The following WWOX variants were observed in gnomAD, a reference collection of about 807,000 sequenced individuals.
The protein encoded by WWOX is WW domain containing oxidoreductase.
A neutral mutation model predicts 46.2 loss-of-function variants in WWOX; 69 were observed. The observed-to-expected ratio is 1.49, with a 90% CI of 1.23 to 1.82. The LOEUF (loss-of-function observed/expected upper bound fraction) is 1.82, where lower values mean the gene tolerates loss of function less well. WWOX is among the 40% of genes most tolerant of loss of function. The pLI is 0.00. For missense variants in WWOX, 919 were observed against 542.6 expected (o/e 1.69, Z -6.89); for synonymous variants, 359 against 202.6 (o/e 1.77, Z -6.56).
At chr16:78,680,035 G>A (rs2047693059) in intron 8 of WWOX, among the ~76,000 whole-genome samples, 1 of 152,190 alleles carries the variant, frequency 6.6e-6, no homozygotes, top group Non-Finnish European at 1.5e-5. Context: ...TTTTACCTCT[G>A]CAAGCCTCAG....
chr16:78,167,562 T>G (rs1001660324), intron 5 of WWOX: 1 of 152,170 alleles, frequency 6.6e-6, no homozygotes, highest in Non-Finnish European at 1.5e-5. Flanking sequence ...ATGTTTAAAA[T>G]TAGATTTGAT....
At chr16:78,431,102 A>G (rs2083206623) in intron 7 of WWOX, among the ~76,000 whole-genome samples, 1 of 152,154 alleles carries the variant, frequency 6.6e-6, no homozygotes, top group African/African-American at 2.4e-5. Context: ...GCTGTGATCC[A>G]TTTTGTAAGG....
chr16:78,235,360 C>G (rs979566491), intron 5 of WWOX, among the ~76,000 whole-genome samples: 1 of 152,084 alleles, frequency 6.6e-6, no homozygotes, highest in African/African-American at 2.4e-5. Context: ...GGGAAACAAG[C>G]CTGCCAGGCC....
intron 8 of WWOX, among the ~76,000 whole-genome samples, chr16:78,626,567 T>G (rs1351827926): frequency 6.6e-6 from 1 of 152,214 alleles, no homozygotes; most frequent in Admixed American, 6.5e-5. Context: ...TCTTCACTGT[T>G]GATGGTGACT....
chr16:79,019,157 C>CA (rs903333994), intron 8 of WWOX, among the ~76,000 whole-genome samples: 6,539 of 24,798 alleles, frequency 0.26, 897 homozygotes, highest in Middle Eastern at 0.33. Flanking sequence ...GACCTTGTCT[C>CA]AAAAAAAAAA....
chr16:78,801,021 T>G (rs2050871810), intron 8 of WWOX, among the ~76,000 whole-genome samples: 1 of 152,050 alleles, frequency 6.6e-6, no homozygotes, highest in Admixed American at 6.6e-5. Context: ...ATGCTCCACT[T>G]TTCTGGGCAG....
intron 8 of WWOX, among the ~76,000 whole-genome samples, chr16:78,691,508 A>C (rs540497504): frequency 1.3e-5 from 2 of 152,164 alleles, no homozygotes; most frequent in Admixed American, 6.6e-5. Flanking sequence ...GGAGTTCGAG[A>C]CCAGTCTGGG....
rs373507639 is a variant in WWOX at position 79,022,915 on chromosome 16, A to C, written c.1057-188693A>C. ...ACTTCTCTCCCCTGAGCATCAGTTT[A>C]CTCAGCTGAAAAATGCATCTGCTAA... On this transcript the variant is annotated intron_variant, in intron 8 of 8. Transcript: ENST00000566780. Among the ~76,000 whole-genome samples the C allele has an allele frequency of 6.4e-4, 98 of 152,268 alleles. No homozygotes were observed. In the Middle Eastern group the frequency reaches 0.01, roughly 16 times the overall value.
At chr16:78,563,491 ACAC>A (rs1200140146) in intron 8 of WWOX, among the ~76,000 whole-genome samples, 2 of 35,450 alleles carry the variant, frequency 5.6e-5, no homozygotes, top group Non-Finnish European at 1.1e-4. Context: ...GTGTGGGTGA[ACAC>A]ACACACACAC....
chr16:78,371,977 A>G (rs2081700784), intron 5 of WWOX, among the ~76,000 whole-genome samples: 1 of 152,202 alleles, frequency 6.6e-6, no homozygotes. Context: ...GGCTGGAAAT[A>G]GACATGTGAG....
At chr16:78,490,634 C>T (rs1453411487) in intron 8 of WWOX, among the ~76,000 whole-genome samples, 1 of 152,184 alleles carries the variant, frequency 6.6e-6, no homozygotes, top group Non-Finnish European at 1.5e-5. Flanking sequence ...CCTCTGATTG[C>T]TCAGATGTCC....
At chr16:78,931,377 T>A (rs147272954) in intron 8 of WWOX, among the ~76,000 whole-genome samples, 45 of 152,198 alleles carry the variant, frequency 3.0e-4, no homozygotes, top group African/African-American at 1.1e-3. Flanking sequence ...GCTAAGGAAA[T>A]GAACAGGACG....
intron 8 of WWOX, among the ~76,000 whole-genome samples, chr16:78,670,468 C>T (rs891947216): frequency 1.3e-5 from 2 of 151,986 alleles, no homozygotes; most frequent in African/African-American, 4.8e-5. Flanking sequence ...AGAAACTTAC[C>T]AGTGGTGTGT....
chr16:78,197,084 C>A (rs992145219), intron 5 of WWOX, among the ~76,000 whole-genome samples: 2 of 152,176 alleles, frequency 1.3e-5, no homozygotes, highest in African/African-American at 2.4e-5. Flanking sequence ...GCACCAGACT[C>A]GTATCAGCCA....
intron 8 of WWOX, among the ~76,000 whole-genome samples, chr16:78,574,794 G>C (rs1231361592): frequency 6.7e-6 from 1 of 150,346 alleles, no homozygotes; most frequent in Admixed American, 6.7e-5. Flanking sequence ...TGGTTGCTGG[G>C]GCTAGGGGGT....
chr16:78,513,854 C>T (rs1348767588), intron 8 of WWOX, among the ~76,000 whole-genome samples: 4 of 151,518 alleles, frequency 2.6e-5, no homozygotes, highest in Non-Finnish European at 4.4e-5. Flanking sequence ...AACACTTGGT[C>T]GAAAAACAGT....
At chr16:79,077,966 G>T (rs12924981) in intron 8 of WWOX, 1 of 151,760 alleles carries the variant, frequency 6.6e-6, no homozygotes, top group Non-Finnish European at 1.5e-5. Flanking sequence ...AGGAAACTCT[G>T]TTCCTACCTG....
At chr16:78,461,396 G>GA (rs1232580207) in intron 8 of WWOX, among the ~76,000 whole-genome samples, 3 of 152,048 alleles carry the variant, frequency 2.0e-5, no homozygotes, top group Non-Finnish European at 4.4e-5. Context: ...CAAAAAATAG[G>GA]AAAAAAAGAA....
intron 8 of WWOX, among the ~76,000 whole-genome samples, chr16:78,527,110 C>T (rs938822126): frequency 6.6e-6 from 1 of 151,936 alleles, no homozygotes; most frequent in African/African-American, 2.4e-5. Context: ...TTGTGGTGAG[C>T]CGAGATCATG....
Sources: allele counts gnomAD v4.1 joint callset (sites outside exome capture counted in the v4.1 genomes callset), GRCh38; gene constraint gnomAD v4.1.1; transcripts MANE v1.5; gene names NCBI Gene and HGNC (gene_info 2026-07-23, HGNC 2026-07-21).